The following REEP3 variants were observed in gnomAD, a reference collection of about 807,000 sequenced individuals.
The protein encoded by REEP3 is receptor accessory protein 3.
Under a neutral mutation model 41.3 loss-of-function variants are expected in REEP3, and 20 were observed. That is an observed-to-expected ratio of 0.48 (90% CI 0.34 to 0.70). REEP3 has a LOEUF of 0.70. Among genes scored for constraint, REEP3 ranks in the 30% least tolerant of loss-of-function variants. The pLI is 0.01. For synonymous variants in REEP3, 104 were observed against 101.8 expected (o/e 1.02, Z -0.13); for missense variants, 271 against 308.8 (o/e 0.88, Z 0.92).
In REEP3 at chr10:63,623,840, A is replaced by G. The variant is rs560696720; in HGVS notation, c.*2971A>G. 6.5e-6 allele frequency: 1 copy of G among 154,260 alleles called. No individual in the cohort carries two copies. Among genetic ancestry groups the G allele is most frequent in the Admixed American group, 6.6e-5 (1 of 15,258 alleles). 9.6% of individuals were successfully genotyped at this position (154,260 alleles called of 1,614,324 possible). Reference sequence around the variant, plus strand: ...ATACTGCCAAAATTACTGATTATAAATACTTGACTACACTGATTGATGGGA... The same window carrying G: ...ATACTGCCAAAATTACTGATTATAAGTACTTGACTACACTGATTGATGGGA... On this transcript the variant is annotated 3_prime_UTR_variant, in exon 8 of 8. Coordinates refer to ENST00000373758, the MANE Select transcript of REEP3 (RefSeq NM_001001330.3).
chr10:63,615,282 T>C (rs1026159291), intron 6 of REEP3, among the ~76,000 whole-genome samples: 1 of 152,174 alleles, frequency 6.6e-6, no homozygotes, highest in East Asian at 1.9e-4. Context: ...ACTCTTCATT[T>C]TGAAAAAATA....
chr10:63,552,234 C>A (rs1218847041), intron 1 of REEP3, among the ~76,000 whole-genome samples: 5 of 145,200 alleles, frequency 3.4e-5, no homozygotes, highest in Admixed American at 3.4e-4. Context: ...GAAACCCTGT[C>A]TTTACTAAAA....
chr10:63,615,541 A>C (rs1956305601), intron 6 of REEP3, among the ~76,000 whole-genome samples: 1 of 150,888 alleles, frequency 6.6e-6, no homozygotes, highest in South Asian at 2.1e-4. Context: ...TAAATTGCTA[A>C]ATTAAACTTT....
chr10:63,525,002 ACT>A (rs1400529471), intron 1 of REEP3, among the ~76,000 whole-genome samples: 6 of 77,692 alleles, frequency 7.7e-5, no homozygotes, highest in Admixed American at 1.6e-4. Context: ...ACAGAGCAAG[ACT>A]CTGTCTCAAA....
intron 1 of REEP3, chr10:63,562,886 A>G (rs915751234): frequency 6.6e-6 from 3 of 455,960 alleles, no homozygotes; most frequent in African/African-American, 6.0e-5. Context: ...TGAAGTCCTA[A>G]CCCCCTGCGC....
At chr10:63,588,744 C>T (rs1263318184) in intron 2 of REEP3, among the ~76,000 whole-genome samples, 2 of 152,152 alleles carry the variant, frequency 1.3e-5, no homozygotes, top group African/African-American at 4.8e-5. Context: ...ATATGTGATA[C>T]ATGCTAAAGA....
chr10:63,574,587 T>A (rs1384900059), intron 2 of REEP3, among the ~76,000 whole-genome samples: 4 of 152,174 alleles, frequency 2.6e-5, no homozygotes, highest in Non-Finnish European at 5.9e-5. Context: ...TTTCATTATG[T>A]AAACACTATT....
At chr10:63,550,799 C>A (rs74137771) in intron 1 of REEP3, among the ~76,000 whole-genome samples, 2,898 of 152,156 alleles carry the variant, frequency 0.019, 90 homozygotes, top group African/African-American at 0.064. Flanking sequence ...CTATCCTCTC[C>A]ATCAAAAGAA....
At chr10:63,548,337 A>C (rs758807879) in intron 1 of REEP3, among the ~76,000 whole-genome samples, 1 of 152,226 alleles carries the variant, frequency 6.6e-6, no homozygotes, top group Non-Finnish European at 1.5e-5. Flanking sequence ...TTAAATCTTT[A>C]GAATTGAATA....
Position 63,619,682 on chromosome 10 carries a change from A to C in REEP3, c.593A>C (p.Asp198Ala). Reference sequence around the variant, plus strand: ...TATGGAATTCCACTGAAAGACGGAGATGAGAAAACAGATGAAGAAGCAGAG... The same window carrying C: ...TATGGAATTCCACTGAAAGACGGAGCTGAGAAAACAGATGAAGAAGCAGAG... The part of the protein sequence containing the change: ...AGYGIPLKDG[D>A]EKTDEEAEGP... The change falls in exon 7 of 8, where the codon GAT becomes GCT. Residue 198 changes from aspartate (D) to alanine (A), a missense_variant. By Grantham distance (126) the Asp-to-Ala change is moderately radical. Coordinates refer to ENST00000373758, the MANE Select transcript of REEP3 (RefSeq NM_001001330.3). 2 of 1,604,324 alleles carry C rather than the reference A, an allele frequency of 1.2e-6. No individual in the cohort carries two copies. Among genetic ancestry groups the C allele is most frequent in the Non-Finnish European group, 1.7e-6 (2 of 1,175,234 alleles).
At chr10:63,571,018 G>A (rs1282451805) in intron 2 of REEP3, among the ~76,000 whole-genome samples, 1 of 152,154 alleles carries the variant, frequency 6.6e-6, no homozygotes, top group Non-Finnish European at 1.5e-5. Flanking sequence ...AGGAGGCTGA[G>A]GTGGGAGGAT....
chr10:63,552,402 C>G (rs1000071449), intron 1 of REEP3, among the ~76,000 whole-genome samples: 1 of 151,964 alleles, frequency 6.6e-6, no homozygotes, highest in African/African-American at 2.4e-5. Flanking sequence ...CAGAGCAAGA[C>G]TCCGTCTCAA....
Position 63,589,523 on chromosome 10 carries a change from A to G in REEP3, c.106-5255A>G, listed in dbSNP as rs1047962932. On this transcript the variant is annotated intron_variant, in intron 2 of 7. Transcript: ENST00000373758. Reference sequence around the variant, plus strand: ...TCCTAGCCCCCTCACTGCCACCACCAGTTAGCTGTGACCGTGGCTCTCACC... The same window carrying G: ...TCCTAGCCCCCTCACTGCCACCACCGGTTAGCTGTGACCGTGGCTCTCACC... Among the ~76,000 whole-genome samples the G allele has an allele frequency of 9.2e-5, 14 of 152,134 alleles. No individual in the cohort carries two copies. The East Asian group carries it at 1.2e-3, about 13-fold the overall frequency.
intron 4 of REEP3, 51 bp downstream of exon 4, chr10:63,598,195 G>C (rs1036078168): frequency 7.3e-7 from 1 of 1,363,742 alleles, no homozygotes; most frequent in Non-Finnish European, 1.0e-6. Context: ...ATGCCTAAGC[G>C]GAGGCCAGGT....
intron 5 of REEP3, among the ~76,000 whole-genome samples, chr10:63,607,064 G>C (rs1956235419): frequency 6.6e-6 from 1 of 152,194 alleles, no homozygotes; most frequent in Non-Finnish European, 1.5e-5. Context: ...GAATAAGGTA[G>C]TCTTCAGAAG....
chr10:63,576,062 C>T lies in REEP3; in HGVS notation c.105+9652C>T, dbSNP rs574105118. Among the ~76,000 whole-genome samples the T allele has an allele frequency of 7.2e-5, 11 of 152,184 alleles. No individual in the cohort carries two copies. The South Asian group carries it at 1.5e-3, about 20-fold the overall frequency. On this transcript the variant is annotated intron_variant, in intron 2 of 7. Coordinates refer to ENST00000373758, the MANE Select transcript of REEP3 (RefSeq NM_001001330.3). ...ATTTTCTTCTTTCTACATAGTCTTT[C>T]GTTTGAATTCTGTTTTACATTTGTT...
At chr10:63,598,999 G>A (rs114115023) in intron 4 of REEP3, among the ~76,000 whole-genome samples, 171 bp from the exon 5 acceptor site, 385 of 152,112 alleles carry the variant, frequency 2.5e-3, no homozygotes, top group African/African-American at 9.0e-3. Context: ...TCCAGCCTAG[G>A]CAAAAGGAAG....
At chr10:63,539,494 C>G (rs189677633) in intron 1 of REEP3, among the ~76,000 whole-genome samples, 16 of 152,208 alleles carry the variant, frequency 1.1e-4, no homozygotes, top group African/African-American at 3.6e-4. Flanking sequence ...ACTTTAAGCT[C>G]TTAGAAAATC....
chr10:63,588,253 T>C (rs2133396116), intron 2 of REEP3, among the ~76,000 whole-genome samples: 1 of 152,324 alleles, frequency 6.6e-6, no homozygotes, highest in East Asian at 1.9e-4. Flanking sequence ...TCCCTGCTTC[T>C]TTCTTGAGCC....
Sources: allele counts gnomAD v4.1 joint callset (sites outside exome capture counted in the v4.1 genomes callset), GRCh38; gene constraint gnomAD v4.1.1; transcripts MANE v1.5; gene names NCBI Gene and HGNC (gene_info 2026-07-23, HGNC 2026-07-21).